OPCML: variants seen among roughly 807,000 people sequenced by gnomAD.
OPCML encodes opioid-binding protein/cell adhesion molecule.
Under a neutral mutation model 37.8 loss-of-function variants are expected in OPCML, and 13 were observed. The ratio of observed to expected loss-of-function variants is 0.34; its 90% CI spans 0.22 to 0.55. The LOEUF (loss-of-function observed/expected upper bound fraction) is 0.55, where lower values mean the gene tolerates loss of function less well. Ranked by LOEUF, OPCML falls within the 20% of genes least tolerant of loss-of-function variation. The pLI is 0.91. For synonymous variants in OPCML, 176 were observed against 168.8 expected (o/e 1.04, Z -0.33); for missense variants, 341 against 435.6 (o/e 0.78, Z 1.93).
intron 1 of OPCML, among the ~76,000 whole-genome samples, chr11:133,135,039 G>A (rs189787210): frequency 3.9e-5 from 6 of 152,178 alleles, no homozygotes; most frequent in Admixed American, 3.9e-4. Context: ...AGAATCAAGA[G>A]CACTGAATTG....
At chr11:132,959,493 T>TA in intron 1 of OPCML, among the ~76,000 whole-genome samples, 2 of 152,290 alleles carry the variant, frequency 1.3e-5, no homozygotes, top group East Asian at 3.9e-4. Flanking sequence ...CTACTGTGGG[T>TA]AAAATGCTAT....
intron 1 of OPCML, among the ~76,000 whole-genome samples, chr11:133,476,098 T>C (rs893188920): frequency 6.6e-6 from 1 of 152,166 alleles, no homozygotes; most frequent in African/African-American, 2.4e-5. Context: ...CACCACCCAA[T>C]TGACCTGGCA....
At chr11:133,468,182 G>A (rs1464350335) in intron 1 of OPCML, among the ~76,000 whole-genome samples, 1 of 152,226 alleles carries the variant, frequency 6.6e-6, no homozygotes, top group Non-Finnish European at 1.5e-5. Flanking sequence ...TGATGGCAAT[G>A]GCACGGTTTC....
intron 1 of OPCML, among the ~76,000 whole-genome samples, chr11:132,995,292 G>A (rs554005392): frequency 6.6e-6 from 1 of 152,110 alleles, no homozygotes; most frequent in South Asian, 2.1e-4. Context: ...TGCTGTGCTC[G>A]TTTATGAAGG....
intron 1 of OPCML, among the ~76,000 whole-genome samples, chr11:133,141,790 T>C (rs1949827567): frequency 6.6e-6 from 1 of 152,204 alleles, no homozygotes; most frequent in South Asian, 2.1e-4. Context: ...AACAATACTA[T>C]TTAACCATCC....
At chr11:132,799,148 T>C (rs144478087) in intron 2 of OPCML, among the ~76,000 whole-genome samples, 1 of 152,130 alleles carries the variant, frequency 6.6e-6, no homozygotes, top group East Asian at 1.9e-4. Flanking sequence ...GGCATTGACT[T>C]CTCCTCTCTA....
chr11:132,517,075 A>G (rs1445126205), intron 4 of OPCML, among the ~76,000 whole-genome samples: 1 of 152,160 alleles, frequency 6.6e-6, no homozygotes, highest in Non-Finnish European at 1.5e-5. Context: ...ACCTTGTGGT[A>G]CCATGTACGT....
chr11:133,249,418 CCCCATGA>C (rs1941054191), intron 1 of OPCML, among the ~76,000 whole-genome samples: 1 of 152,124 alleles, frequency 6.6e-6, no homozygotes, highest in Non-Finnish European at 1.5e-5. Flanking sequence ...AGATATCTGC[CCCCATGA>C]CCCAAATGCC....
At chr11:133,485,542 C>G (rs1947508292) in intron 1 of OPCML, among the ~76,000 whole-genome samples, 1 of 152,154 alleles carries the variant, frequency 6.6e-6, no homozygotes, top group South Asian at 2.1e-4. Flanking sequence ...AAGTTTCTTT[C>G]TGTACCAGAT....
At chr11:132,945,472 C>T (rs144534899) in intron 1 of OPCML, among the ~76,000 whole-genome samples, 1 of 152,294 alleles carries the variant, frequency 6.6e-6, no homozygotes, top group African/African-American at 2.4e-5. Flanking sequence ...TTGCCGCAGA[C>T]GGAGCTTGCA....
chr11:133,253,145 C>A (rs867601529), intron 1 of OPCML, among the ~76,000 whole-genome samples: 1,471 of 97,906 alleles, frequency 0.015, no homozygotes, highest in Non-Finnish European at 0.016. Context: ...GACTCTGTCT[C>A]AAAAAAAAAA....
At chr11:133,368,363 T>C (rs1944598665) in intron 1 of OPCML, among the ~76,000 whole-genome samples, 1 of 151,766 alleles carries the variant, frequency 6.6e-6, no homozygotes, top group African/African-American at 2.4e-5. Flanking sequence ...ATAAGGGTGT[T>C]GGGGGACCAC....
At chr11:133,022,259 C>T (rs983102511) in intron 1 of OPCML, among the ~76,000 whole-genome samples, 2 of 152,088 alleles carry the variant, frequency 1.3e-5, no homozygotes, top group Admixed American at 6.5e-5. Flanking sequence ...CTATGAGTCC[C>T]GATGGCACAC....
At chr11:133,343,086 C>T (rs1212817944) in intron 1 of OPCML, among the ~76,000 whole-genome samples, 1 of 152,264 alleles carries the variant, frequency 6.6e-6, no homozygotes, top group East Asian at 1.9e-4. Context: ...AGCTGGGCCT[C>T]CCAAATCACT....
chr11:132,966,406 C>T (rs576150325), intron 1 of OPCML, among the ~76,000 whole-genome samples: 1 of 152,124 alleles, frequency 6.6e-6, no homozygotes, highest in South Asian at 2.1e-4. Context: ...TTGATCAAGT[C>T]ATATACCATA....
intron 1 of OPCML, among the ~76,000 whole-genome samples, chr11:133,221,575 C>T (rs1939832868): frequency 6.6e-6 from 1 of 152,142 alleles, no homozygotes; most frequent in South Asian, 2.1e-4. Context: ...TGAATCACAA[C>T]TCCCACGTCC....
chr11:132,865,668 C>CT (rs1942508537), intron 2 of OPCML, among the ~76,000 whole-genome samples: 1 of 152,162 alleles, frequency 6.6e-6, no homozygotes, highest in African/African-American at 2.4e-5. Context: ...ACTAAACAGA[C>CT]TGGGGGAGTC....
intron 1 of OPCML, among the ~76,000 whole-genome samples, chr11:133,484,860 T>G (rs1027002223): frequency 6.6e-6 from 1 of 152,096 alleles, no homozygotes; most frequent in African/African-American, 2.4e-5. Context: ...ATTATTACTG[T>G]TATATACTTA....
chr11:133,380,417 G>GTCTA (rs1944906502), intron 1 of OPCML, among the ~76,000 whole-genome samples: 2 of 152,060 alleles, frequency 1.3e-5, no homozygotes, highest in Admixed American at 1.3e-4. Context: ...ATGCTCTTTT[G>GTCTA]TCTATTTCTC....
Sources: gnomAD v4.1 joint callset for allele counts (sites outside exome capture counted in the v4.1 genomes callset) on GRCh38, gnomAD v4.1.1 for gene constraint, MANE v1.5 for transcripts, NCBI Gene and HGNC (gene_info 2026-07-23, HGNC 2026-07-21) for gene names.